The following TNFAIP6 variants were observed in gnomAD, a reference collection of about 807,000 sequenced individuals.
TNFAIP6 encodes the protein TNF alpha induced protein 6, also known as tumor necrosis factor-inducible gene 6 protein.
TNFAIP6 carries 36 observed loss-of-function variants against 33.7 expected under a neutral mutation model. The ratio of observed to expected loss-of-function variants is 1.07; its 90% CI spans 0.82 to 1.41. The LOEUF (loss-of-function observed/expected upper bound fraction) is 1.41, where lower values mean the gene tolerates loss of function less well. Ranked by LOEUF, TNFAIP6 falls within the 40% of genes most tolerant of loss-of-function variation. The pLI, the probability that TNFAIP6 is intolerant of heterozygous loss-of-function variation, is 0.00. For missense variants in TNFAIP6, 273 were observed against 331.9 expected (o/e 0.82, Z 1.38); for synonymous variants, 113 against 112.8 (o/e 1.00, Z -0.01).
chr2:151,366,125 C>T lies in TNFAIP6; in HGVS notation c.302C>T (p.Pro101Leu). 1 of 1,614,070 alleles carries T rather than the reference C, an allele frequency of 6.2e-7. No individual in the cohort carries two copies. Among genetic ancestry groups the T allele is most frequent in the Non-Finnish European group, 8.5e-7 (1 of 1,180,004 alleles). ...RVGYPIVKPG[P>L]NCGFGKTGII... ...GGATACCCCATTGTGAAGCCAGGGC[C>T]CAACTGTGGATTTGGAAAAACTGGC... The change falls in exon 3 of 6, where the codon CCC becomes CTC. Residue 101 changes from proline (P) to leucine (L), a missense_variant. Transcript: ENST00000243347.
At chr2:151,359,904 C>T (rs527779910) in intron 1 of TNFAIP6, among the ~76,000 whole-genome samples, 5 of 152,180 alleles carry the variant, frequency 3.3e-5, no homozygotes, top group Admixed American at 1.3e-4. Context: ...CAAAAACAAA[C>T]CACAGTTAAG....
At chr2:151,364,345 T>C (rs1327805057) in intron 2 of TNFAIP6, among the ~76,000 whole-genome samples, 4 of 152,214 alleles carry the variant, frequency 2.6e-5, no homozygotes, top group African/African-American at 9.7e-5. Flanking sequence ...ATTATTTCAA[T>C]ATTATTTAAA....
chr2:151,363,964 A>G lies in TNFAIP6; in HGVS notation c.116A>G (p.His39Arg), dbSNP rs1684669783. 5 of 1,614,070 alleles carry G rather than the reference A, an allele frequency of 3.1e-6. No homozygotes were observed. Among genetic ancestry groups the G allele is most frequent in the Non-Finnish European group, 4.2e-6 (5 of 1,179,998 alleles). ...IWLERAAGVY[H>R]REARSGKYKL... ...GCAGAACGAGCAGCCGGTGTGTACC[A>G]CAGAGAAGCACGGTCTGGCAAATAC... Residue 39 changes from histidine (H) to arginine (R), a missense_variant, in exon 2 of 6, where the codon CAC becomes CGC. Physicochemically the swap from His to Arg is conservative, Grantham distance 29. Coordinates refer to ENST00000243347, the MANE Select transcript of TNFAIP6 (RefSeq NM_007115.4).
At position 151,378,315 on chromosome 2, in the gene TNFAIP6, C is replaced by T. The variant is rs114230363; in HGVS notation, c.665-1049C>T. 6.4e-3 allele frequency among the ~76,000 whole-genome samples: 967 copies of T among 152,092 alleles called. 6 individuals are homozygous for T. Among genetic ancestry groups the T allele is most frequent in the African/African-American group, 0.022 (905 of 41,484 alleles). On this transcript the variant is annotated intron_variant, in intron 5 of 5. Coordinates refer to ENST00000243347, the MANE Select transcript of TNFAIP6 (RefSeq NM_007115.4). ...TTAGCACATTTTGGTCTTTATATTA[C>T]GGTAAAATGTGTTTAGGTACTCTGT...
At chr2:151,372,526 G>T (rs941714622) in intron 4 of TNFAIP6, among the ~76,000 whole-genome samples, 7 of 152,078 alleles carry the variant, frequency 4.6e-5, no homozygotes, top group African/African-American at 1.4e-4. Flanking sequence ...AATTTTTCCA[G>T]ATTTAAATCA....
chr2:151,361,194 C>T (rs1397069605), intron 1 of TNFAIP6, among the ~76,000 whole-genome samples: 1 of 152,076 alleles, frequency 6.6e-6, no homozygotes, highest in Non-Finnish European at 1.5e-5. Context: ...CCTGCCTCAG[C>T]CTTCCAAGTA....
intron 1 of TNFAIP6, 94 bp from the exon 2 acceptor site, chr2:151,363,849 A>G: frequency 1.4e-6 from 2 of 1,479,876 alleles, no homozygotes; most frequent in South Asian, 1.3e-5. Context: ...GGCAGGAACA[A>G]TAGCTGTTGT....
chr2:151,369,915 A>C, intron 3 of TNFAIP6, 105 bp from the exon 4 acceptor site: 1 of 832,326 alleles, frequency 1.2e-6, no homozygotes, highest in South Asian at 1.7e-5. Flanking sequence ...AAGACATTTA[A>C]CATTTCATAA....
chr2:151,361,598 C>T (rs1684625009), intron 1 of TNFAIP6, among the ~76,000 whole-genome samples: 1 of 152,162 alleles, frequency 6.6e-6, no homozygotes, highest in South Asian at 2.1e-4. Context: ...AACAGGCCTC[C>T]TGTCTCTACC....
chr2:151,380,930 A>G (rs1308884005), downstream of TNFAIP6, among the ~76,000 whole-genome samples: 1 of 152,186 alleles, frequency 6.6e-6, no homozygotes, highest in Non-Finnish European at 1.5e-5. Flanking sequence ...CCATTATAAG[A>G]TATGACATGT....
intron 5 of TNFAIP6, among the ~76,000 whole-genome samples, chr2:151,377,386 C>G (rs4305272): frequency 0.18 from 27,514 of 151,808 alleles, 2,867 homozygotes; most frequent in African/African-American, 0.29. Flanking sequence ...AGCCAGGATG[C>G]TCTCAATCTT....
rs1684978332 is a variant in TNFAIP6 at position 151,379,528 on chromosome 2, T to C, written c.829T>C (p.Leu277=). 2 of 1,505,274 alleles carry C rather than the reference T, an allele frequency of 1.3e-6. No homozygotes were observed. The highest frequency in any genetic ancestry group is 4.7e-5 in the Admixed American group (2 of 42,362). The allele number at this position is 1,505,274 out of a possible 1,614,324, so 93.2% of individuals were successfully genotyped here. A position where few individuals can be genotyped will look rare whatever the true frequency, so the allele number is the denominator to read the frequency against. Reference sequence around the variant, plus strand: ...CTTTTTAGCTGGAAGATTTAGCCACTTATAAAAAAAAAAAAAAGGATGATC... The same window carrying C: ...CTTTTTAGCTGGAAGATTTAGCCACCTATAAAAAAAAAAAAAAGGATGATC... ...KNFLAGRFSH[L] is the part of the protein sequence containing the mutation. The change falls in exon 6 of 6, where the codon TTA becomes CTA. Residue 277 remains leucine (L), a synonymous_variant. Transcript: ENST00000243347.
intron 5 of TNFAIP6, among the ~76,000 whole-genome samples, chr2:151,374,479 T>C (rs1238005143): frequency 6.6e-6 from 1 of 152,240 alleles, no homozygotes; most frequent in African/African-American, 2.4e-5. Context: ...ACAGTACTTC[T>C]GCAACTATAA....
chr2:151,377,425 T>A (rs187800321), intron 5 of TNFAIP6, among the ~76,000 whole-genome samples: 1 of 152,144 alleles, frequency 6.6e-6, no homozygotes, highest in Non-Finnish European at 1.5e-5. Flanking sequence ...CGCCTCGGCC[T>A]CCCAAAGTGC....
chr2:151,359,386 A>ATTTTTTTT (rs35150597), intron 1 of TNFAIP6, among the ~76,000 whole-genome samples: 1 of 130,170 alleles, frequency 7.7e-6, no homozygotes, highest in African/African-American at 2.9e-5. Flanking sequence ...GCAACTCATA[A>ATTTTTTTT]TTTTTTTTTT....
Position 151,379,384 on chromosome 2 carries a change from T to G in TNFAIP6, c.685T>G (p.Phe229Val), listed in dbSNP as rs773044528. The G allele has an allele frequency of 8.7e-6, 14 of 1,601,310 alleles. No homozygotes were observed. The highest frequency in any genetic ancestry group is 1.2e-5 in the Non-Finnish European group (14 of 1,175,616). ...AACAGGAAATGTCATGACCTTGAAG[T>G]TTCTAAGTGATGCTTCAGTGACAGC... Reference protein sequence around the residue: ...ISTGNVMTLKFLSDASVTAGG... With the variant: ...ISTGNVMTLKVLSDASVTAGG... Residue 229 changes from phenylalanine to valine, a missense_variant, in exon 6 of 6, where the codon TTT becomes GTT. Physicochemically the swap from Phe to Val is conservative, Grantham distance 50 (BLOSUM62 -1). Transcript: ENST00000243347.
chr2:151,361,694 C>CA lies in TNFAIP6; in HGVS notation c.95-2248dup, dbSNP rs144870899. ...AGTTCCTTGAGGATAGAACCTGACCCACAGCACCTAGCAAAATACCCCGTG... is the reference window on the plus strand; with the variant it reads ...AGTTCCTTGAGGATAGAACCTGACCCAACAGCACCTAGCAAAATACCCCGTG... On this transcript the variant is annotated intron_variant, in intron 1 of 5. Coordinates refer to ENST00000243347, the MANE Select transcript of TNFAIP6 (RefSeq NM_007115.4). 8.5e-3 allele frequency among the ~76,000 whole-genome samples: 1,301 copies of CA among 152,236 alleles called. 24 individuals carry two copies. Among genetic ancestry groups the CA allele is most frequent in the African/African-American group, 0.03 (1,263 of 41,532 alleles).
Position 151,379,531 on chromosome 2 carries a change from T to C in TNFAIP6, c.832T>C (p.Ter278GlnextTer6), listed in dbSNP as rs866744420. The change falls in exon 6 of 6, where the codon TAA (stop) becomes CAA (glutamine). Residue 278 changes from the stop codon to glutamine, a stop_lost. Transcript: ENST00000243347. Reference protein sequence around the residue: ...NFLAGRFSHL* With the variant: ...NFLAGRFSHLQ The stretch of plus-strand genomic sequence containing the variant: ...TTTAGCTGGAAGATTTAGCCACTTA[T>C]AAAAAAAAAAAAAAGGATGATCAAA... 1 of 1,337,066 alleles carries C rather than the reference T, an allele frequency of 7.5e-7. No individual in the cohort carries two copies. Among genetic ancestry groups the C allele is most frequent in the Non-Finnish European group, 9.9e-7 (1 of 1,005,430 alleles). 82.8% of individuals were successfully genotyped at this position (1,337,066 alleles called of 1,614,324 possible).
At chr2:151,376,849 C>A (rs1573787106) in intron 5 of TNFAIP6, among the ~76,000 whole-genome samples, 2 of 142,762 alleles carry the variant, frequency 1.4e-5, no homozygotes, top group Non-Finnish European at 3.0e-5. Flanking sequence ...TGCCAATTTA[C>A]ATTTCTTTTT....
Sources: allele counts gnomAD v4.1 joint callset (sites outside exome capture counted in the v4.1 genomes callset), GRCh38; gene constraint gnomAD v4.1.1; transcripts MANE v1.5; gene names NCBI Gene and HGNC (gene_info 2026-07-23, HGNC 2026-07-21).